PPP1R3F: variants seen among roughly 807,000 people sequenced by gnomAD.
PPP1R3F encodes the protein protein phosphatase 1, regulatory (inhibitor) subunit 3F.
A neutral mutation model predicts 24.2 loss-of-function variants in PPP1R3F; 29 were observed. The ratio of observed to expected loss-of-function variants is 1.20; its 90% CI spans 0.89 to 1.63. The LOEUF is 1.63. Among genes scored for constraint, PPP1R3F ranks in the 40% most tolerant of loss-of-function variants. The probability of loss-of-function intolerance (pLI) is 0.00; values close to 1 mark genes in which losing one functional copy is unlikely to be tolerated. For synonymous variants in PPP1R3F, 363 were observed against 340.1 expected, an observed-to-expected ratio of 1.07 and a Z score of -0.74; for missense variants, 823 against 729.3, an observed-to-expected ratio of 1.13 and a Z score of -1.48.
Position 49,286,521 on chromosome X carries a change from G to T in PPP1R3F, c.1831G>T (p.Ala611Ser). The T allele has an allele frequency of 8.3e-7, 1 of 1,211,028 alleles. No homozygotes were observed. ...CCTCTCCGGGGCCCGTTCTGTGGTAGCCACGATGGGAGATGTGTGGCTCCC... is the reference window on the plus strand; with the variant it reads ...CCTCTCCGGGGCCCGTTCTGTGGTATCCACGATGGGAGATGTGTGGCTCCC... The part of the protein sequence containing the change: ...EILSGARSVV[A>S]TMGDVWLPWA... The change falls in exon 4 of 4, where the codon GCC becomes TCC. Residue 611 changes from alanine to serine, a missense_variant. Coordinates refer to ENST00000055335, the MANE Select transcript of PPP1R3F (RefSeq NM_033215.5).
intron 3 of PPP1R3F, among the ~76,000 whole-genome samples, chrX:49,295,513 C>T (rs1557122752): frequency 1.8e-5 from 2 of 109,920 alleles, no homozygotes; most frequent in Non-Finnish European, 3.8e-5. Context: ...GTCATGGTGT[C>T]TTATTTTTGT....
chrX:49,275,810 T>A (rs1357165913), intron 1 of PPP1R3F: 3 of 111,718 alleles, frequency 2.7e-5, no homozygotes, highest in Non-Finnish European at 5.6e-5. Flanking sequence ...CATACTGAAT[T>A]GTAAGCTTCC....
At chrX:49,278,394 G>A (rs1043583953) in intron 1 of PPP1R3F, among the ~76,000 whole-genome samples, 13 of 112,518 alleles carry the variant, frequency 1.2e-4, no homozygotes, top group African/African-American at 4.2e-4. Context: ...ACAAAAAGAA[G>A]TAAGTTAGTG....
At chrX:49,278,277 G>A (rs983730044) in intron 1 of PPP1R3F, among the ~76,000 whole-genome samples, 9 of 112,159 alleles carry the variant, frequency 8.0e-5, no homozygotes, top group African/African-American at 2.6e-4. Flanking sequence ...CTGCTACTGC[G>A]CACAGGTGGG....
rs1405031205 is a variant in PPP1R3F, at chrX:49,286,062, A to G, written c.1372A>G (p.Thr458Ala). The G allele has an allele frequency of 8.5e-7, 1 of 1,175,697 alleles. No homozygotes were observed. Among genetic ancestry groups the G allele is most frequent in the Non-Finnish European group, 1.1e-6 (1 of 875,868 alleles). The change falls in exon 4 of 4, where the codon ACA (threonine) becomes GCA (alanine). Residue 458 changes from threonine to alanine, a missense_variant. Thr to Ala is a moderately conservative substitution (Grantham distance 58). Transcript: ENST00000055335. ...GCCCAGTCAGCAGCAGGCAGAGGCC[A>G]CATGGGGAGTATCGAGTGAGAATGG... ...LEPSQQQAEA[T>A]WGVSSENGGG...
intron 1 of PPP1R3F, among the ~76,000 whole-genome samples, chrX:49,280,439 G>C (rs781873300): frequency 9.1e-6 from 1 of 109,385 alleles, no homozygotes; most frequent in African/African-American, 3.3e-5. Context: ...AGTAGAGACG[G>C]AGTTTCACCA....
intron 1 of PPP1R3F, among the ~76,000 whole-genome samples, chrX:49,277,984 C>T (rs1425390587): frequency 8.9e-6 from 1 of 112,314 alleles, no homozygotes; most frequent in Non-Finnish European, 1.9e-5. Flanking sequence ...TTGTTTGCTT[C>T]TGTCGATGTT....
chrX:49,281,462 G>A lies in PPP1R3F; in HGVS notation c.1060+1G>A. 8.4e-7 allele frequency: 1 copy of A among 1,195,838 alleles called. No homozygotes were observed. Among genetic ancestry groups the A allele is most frequent in the Non-Finnish European group, 1.1e-6 (1 of 881,932 alleles). On this transcript the variant is annotated splice_donor_variant, in intron 2 of 3. Coordinates refer to ENST00000055335, the MANE Select transcript of PPP1R3F (RefSeq NM_033215.5). LOFTEE classifies it high-confidence loss of function. ...ATGGATGATAACACCTTTGCCATGG[G>A]TAAGCAATTGGCAAGCTTCGGAAGT...
Position 49,286,020 on chromosome X carries a change from A to G in PPP1R3F, c.1330A>G (p.Thr444Ala), listed in dbSNP as rs782355061. The G allele has an allele frequency of 8.5e-7, 1 of 1,176,550 alleles. No individual in the cohort carries two copies. Among genetic ancestry groups the G allele is most frequent in the East Asian group, 3.0e-5 (1 of 33,087 alleles). ...AGGGCCCGATGCGAGCGAGGGGGCCACCGGGCCTTTCCTGGAGCCCAGTCA... is the reference window on the plus strand; with the variant it reads ...AGGGCCCGATGCGAGCGAGGGGGCCGCCGGGCCTTTCCTGGAGCCCAGTCA... Reference protein sequence around the residue: ...ASGPDASEGATGPFLEPSQQQ... With the variant: ...ASGPDASEGAAGPFLEPSQQQ... Residue 444 changes from threonine to alanine, a missense_variant, in exon 4 of 4, where the codon ACC becomes GCC. By Grantham distance (58) the Thr-to-Ala change is moderately conservative. Transcript: ENST00000055335.
chrX:49,291,680 T>TAAAC (rs2066309541), downstream of PPP1R3F, among the ~76,000 whole-genome samples: 2 of 110,250 alleles, frequency 1.8e-5, no homozygotes, highest in Admixed American at 9.7e-5. Flanking sequence ...AACTCTATTT[T>TAAAC]TATCACCCAT....
chrX:49,269,853 C>T lies in PPP1R3F; in HGVS notation c.-17C>T. On this transcript the variant is annotated 5_prime_UTR_variant, in exon 1 of 4. Transcript: ENST00000055335. ...GGTCCCGCCGCCGGTGCCGTCGGTG[C>T]CGCCGCCGCCGCCGATATGGCGCGT... is the stretch of plus-strand genomic sequence containing the variant. The T allele has an allele frequency of 2.4e-6, 2 of 849,040 alleles. No homozygotes were observed. Among genetic ancestry groups the T allele is most frequent in the Non-Finnish European group, 2.9e-6 (2 of 692,090 alleles). 70.0% of individuals were successfully genotyped at this position (849,040 alleles called of 1,213,427 possible). A position where few individuals can be genotyped will look rare whatever the true frequency, so the allele number is the denominator to read the frequency against.
intron 1 of PPP1R3F, chrX:49,274,100 A>G (rs954138736): frequency 3.6e-5 from 4 of 112,306 alleles, no homozygotes; most frequent in Non-Finnish European, 7.5e-5. Flanking sequence ...ACTGAGTACT[A>G]TATTTTCATG....
chrX:49,277,331 G>A (rs912122357), intron 1 of PPP1R3F, among the ~76,000 whole-genome samples: 7 of 112,254 alleles, frequency 6.2e-5, no homozygotes, highest in African/African-American at 2.3e-4. Context: ...TGGCGTGCAG[G>A]CCTGAGATGG....
At position 49,270,469 on chromosome X, in the gene PPP1R3F, G is replaced by T. The variant is rs782106362; in HGVS notation, c.600G>T (p.Pro200=). 2.5e-6 allele frequency: 3 copies of T among 1,201,278 alleles called. No homozygotes were observed. The highest frequency in any genetic ancestry group is 2.2e-5 in the Admixed American group (1 of 45,987). The change falls in exon 1 of 4, where the codon CCG becomes CCT. Residue 200 remains proline, a synonymous_variant. Transcript: ENST00000055335. The part of the protein sequence containing the change: ...SFCDHPARYV[P]RSPPWAGAGG... Reference sequence around the variant, plus strand: ...GCGACCACCCAGCGCGCTACGTCCCGCGCAGCCCGCCGTGGGCAGGAGCGG... The same window carrying T: ...GCGACCACCCAGCGCGCTACGTCCCTCGCAGCCCGCCGTGGGCAGGAGCGG...
intron 3 of PPP1R3F, among the ~76,000 whole-genome samples, chrX:49,299,164 T>C (rs1023904501): frequency 2.8e-4 from 31 of 112,074 alleles, no homozygotes; most frequent in African/African-American, 9.1e-4. Context: ...TGGTCTTTGA[T>C]GTTGGTGACC....
downstream of PPP1R3F, chrX:49,288,153 C>T (rs1049315210): frequency 3.6e-5 from 4 of 112,606 alleles, no homozygotes; most frequent in East Asian, 2.8e-4. Context: ...AATATCTATA[C>T]GAGCTTTCTT....
In PPP1R3F at chrX:49,269,833, CGCCGCCGGT is replaced by C; in HGVS notation, c.-32_-24del. 3.5e-6 allele frequency: 3 copies of C among 864,001 alleles called. No individual in the cohort carries two copies. The highest frequency in any genetic ancestry group is 1.2e-4 in the South Asian group (2 of 16,514). 71.2% of individuals were successfully genotyped at this position (864,001 alleles called of 1,213,427 possible). A position where few individuals can be genotyped will look rare whatever the true frequency, so the allele number is the denominator to read the frequency against. On this transcript the variant is annotated 5_prime_UTR_variant, in exon 1 of 4. Coordinates refer to ENST00000055335, the MANE Select transcript of PPP1R3F (RefSeq NM_033215.5). ...CTTCAGGCCCTGCCCCCGCCGGTCC[CGCCGCCGGT>C]GCCGTCGGTGCCGCCGCCGCCGCCG...
downstream of PPP1R3F, among the ~76,000 whole-genome samples, chrX:49,290,377 C>T (rs1416974269): frequency 9.0e-6 from 1 of 110,995 alleles, no homozygotes; most frequent in Non-Finnish European, 1.9e-5. Flanking sequence ...AGGACCTGCC[C>T]ATATTGTCCT....
downstream of PPP1R3F, chrX:49,288,108 A>G (rs2066298283): frequency 8.9e-6 from 1 of 112,430 alleles, no homozygotes; most frequent in African/African-American, 3.2e-5. Flanking sequence ...CCACATATTT[A>G]TTTACTTCCC....
Sources: allele counts gnomAD v4.1 joint callset (sites outside exome capture counted in the v4.1 genomes callset), GRCh38; gene constraint gnomAD v4.1.1; transcripts MANE v1.5; gene names NCBI Gene and HGNC (gene_info 2026-07-23, HGNC 2026-07-21).